Variants in TSPAN7 observed in about 807,000 individuals in gnomAD.
TSPAN7 encodes tetraspanin-7.
Under a neutral mutation model 17.6 loss-of-function variants are expected in TSPAN7, and 1 was observed. That is an observed-to-expected ratio of 0.06 (90% CI 0.02 to 0.27). TSPAN7 has a LOEUF of 0.27. TSPAN7 is among the 10% of genes least tolerant of loss of function. TSPAN7 has a pLI of 1.00. For synonymous variants in TSPAN7, 78 were observed against 79.0 expected, an observed-to-expected ratio of 0.99 and a Z score of 0.07; for missense variants, 112 against 201.7, an observed-to-expected ratio of 0.56 and a Z score of 2.69.
intron 1 of TSPAN7, among the ~76,000 whole-genome samples, chrX:38,589,437 C>T (rs1001201834): frequency 3.6e-5 from 4 of 111,735 alleles, no homozygotes; most frequent in Non-Finnish European, 5.6e-5. Context: ...TCTTTGTCTT[C>T]GCATTTCATT....
At chrX:38,666,570 C>T (rs182924712) in intron 2 of TSPAN7, among the ~76,000 whole-genome samples, 1 of 105,109 alleles carries the variant, frequency 9.5e-6, no homozygotes, top group East Asian at 3.1e-4. Context: ...CATTTGTATC[C>T]TCATGACAAG....
chrX:38,678,615 A>C (rs2069869830), intron 5 of TSPAN7, among the ~76,000 whole-genome samples: 1 of 112,197 alleles, frequency 8.9e-6, no homozygotes, highest in Non-Finnish European at 1.9e-5. Context: ...GAGACATGGA[A>C]AATGAACTTC....
At chrX:38,618,581 C>A (rs1052766686) in intron 1 of TSPAN7, among the ~76,000 whole-genome samples, 2 of 111,715 alleles carry the variant, frequency 1.8e-5, no homozygotes, top group Non-Finnish European at 3.8e-5. Context: ...CATTTCCCCA[C>A]AAATCTTTTA....
chrX:38,667,218 A>G (rs1260352579), intron 2 of TSPAN7, among the ~76,000 whole-genome samples: 1 of 111,777 alleles, frequency 8.9e-6, no homozygotes, highest in Non-Finnish European at 1.9e-5. Flanking sequence ...TAAAGCAGTG[A>G]TGCTTCCCAG....
intron 1 of TSPAN7, among the ~76,000 whole-genome samples, chrX:38,623,253 G>T (rs777692558): frequency 9.0e-6 from 1 of 111,448 alleles, no homozygotes; most frequent in East Asian, 2.9e-4. Flanking sequence ...CTTTCTTTTT[G>T]AATGATGAGG....
chrX:38,664,684 A>C (rs1202358330), intron 1 of TSPAN7, among the ~76,000 whole-genome samples: 1 of 112,388 alleles, frequency 8.9e-6, no homozygotes, highest in Non-Finnish European at 1.9e-5. Flanking sequence ...TAATAAAACT[A>C]GCACTAGTTC....
chrX:38,680,462 C>G (rs149559120), intron 5 of TSPAN7, among the ~76,000 whole-genome samples: 3 of 109,212 alleles, frequency 2.7e-5, no homozygotes, highest in Non-Finnish European at 5.7e-5. Context: ...TGGAAAAAGA[C>G]CATGTCTTCC....
intron 1 of TSPAN7, among the ~76,000 whole-genome samples, chrX:38,623,622 G>GT (rs146796872): frequency 0.13 from 13,173 of 103,397 alleles, 784 homozygotes; most frequent in East Asian, 0.29. Flanking sequence ...GTGAGTGAGG[G>GT]TTTTTTTTGC....
At chrX:38,683,927 C>T (rs1026513657) in intron 6 of TSPAN7, among the ~76,000 whole-genome samples, 1 of 112,917 alleles carries the variant, frequency 8.9e-6, no homozygotes, top group African/African-American at 3.2e-5. Context: ...GTTGTGTTGG[C>T]CTATGCCTTA....
At chrX:38,617,931 C>T (rs2069464911) in intron 1 of TSPAN7, among the ~76,000 whole-genome samples, 2 of 111,534 alleles carry the variant, frequency 1.8e-5, no homozygotes, top group Admixed American at 1.9e-4. Flanking sequence ...TTGTTCACAT[C>T]GGAGAGAAGG....
chrX:38,604,500 G>T (rs777491548), intron 1 of TSPAN7, among the ~76,000 whole-genome samples: 4,189 of 110,685 alleles, frequency 0.038, 194 homozygotes, highest in African/African-American at 0.12. Flanking sequence ...CAGTGTAAAA[G>T]TGTTCCTATT....
intron 5 of TSPAN7, among the ~76,000 whole-genome samples, chrX:38,679,768 T>C (rs1249214778): frequency 1.8e-5 from 2 of 110,657 alleles, no homozygotes; most frequent in African/African-American, 6.6e-5. Context: ...AAATGTGTGA[T>C]ATATAGTCTC....
chrX:38,630,001 G>T (rs1394799659), intron 1 of TSPAN7, among the ~76,000 whole-genome samples: 1 of 111,644 alleles, frequency 9.0e-6, no homozygotes, highest in African/African-American at 3.3e-5. Flanking sequence ...TTACAATCTT[G>T]TACTATGGAA....
At chrX:38,686,245 A>G in intron 6 of TSPAN7, among the ~76,000 whole-genome samples, 1 of 112,360 alleles carries the variant, frequency 8.9e-6, no homozygotes, top group South Asian at 3.7e-4. Flanking sequence ...TAGTTTGCAT[A>G]TTTCACAGCA....
chrX:38,576,380 G>A (rs2069194401), intron 1 of TSPAN7, among the ~76,000 whole-genome samples: 1 of 112,126 alleles, frequency 8.9e-6, no homozygotes. Flanking sequence ...GTCCAAACTT[G>A]GGATGTCTCT....
At chrX:38,579,096 T>C (rs1215325078) in intron 1 of TSPAN7, among the ~76,000 whole-genome samples, 1 of 111,872 alleles carries the variant, frequency 8.9e-6, no homozygotes, top group African/African-American at 3.3e-5. Context: ...GTGTTTTCCT[T>C]CTTTTATATA....
chrX:38,628,904 G>A (rs1359019217), intron 1 of TSPAN7, among the ~76,000 whole-genome samples: 1 of 111,521 alleles, frequency 9.0e-6, no homozygotes, highest in Non-Finnish European at 1.9e-5. Context: ...TTTAGGCCTT[G>A]GATGGTCTTT....
intron 1 of TSPAN7, among the ~76,000 whole-genome samples, chrX:38,586,878 G>A (rs2069260784): frequency 8.9e-6 from 1 of 112,307 alleles, no homozygotes; most frequent in African/African-American, 3.2e-5. Context: ...ATTTGAAAGT[G>A]TCCTAAATAA....
At chrX:38,670,355 G>A (rs1440114814) in intron 2 of TSPAN7, among the ~76,000 whole-genome samples, 1 of 111,817 alleles carries the variant, frequency 8.9e-6, no homozygotes, top group Non-Finnish European at 1.9e-5. Flanking sequence ...TATCCTTAAT[G>A]TTTCGTAAAT....
Sources: allele counts gnomAD v4.1 joint callset (sites outside exome capture counted in the v4.1 genomes callset), GRCh38; gene constraint gnomAD v4.1.1; transcripts MANE v1.5; gene names NCBI Gene and HGNC (gene_info 2026-07-23, HGNC 2026-07-21).